The following CSMD1 variants were observed in gnomAD, a reference collection of about 807,000 sequenced individuals.
The protein encoded by CSMD1 is CUB and Sushi multiple domains 1.
Under a neutral mutation model 417.5 loss-of-function variants are expected in CSMD1, and 213 were observed. The ratio of observed to expected loss-of-function variants is 0.51; its 90% CI spans 0.46 to 0.57. CSMD1 has a LOEUF of 0.57. Ranked by LOEUF, CSMD1 falls within the 20% of genes least tolerant of loss-of-function variation. The pLI is 0.00. For synonymous variants in CSMD1, 2,862 were observed against 1,736.8 expected (o/e 1.65, Z -16.11); for missense variants, 6,923 against 4,529.7 (o/e 1.53, Z -15.17).
intron 7 of CSMD1, among the ~76,000 whole-genome samples, chr8:3,681,034 T>C (rs371345661): frequency 2.6e-5 from 4 of 152,348 alleles, no homozygotes; most frequent in East Asian, 1.9e-4. Context: ...TGATGGGACG[T>C]ATCTCAAACT....
At chr8:3,937,744 T>A (rs1054561725) in intron 5 of CSMD1, among the ~76,000 whole-genome samples, 1 of 152,126 alleles carries the variant, frequency 6.6e-6, no homozygotes, top group African/African-American at 2.4e-5. Context: ...AGGTACGATA[T>A]TACTGATTAA....
chr8:4,414,863 G>A (rs1796841301), intron 3 of CSMD1, among the ~76,000 whole-genome samples: 1 of 152,116 alleles, frequency 6.6e-6, no homozygotes, highest in Admixed American at 6.6e-5. Flanking sequence ...CCAGAGAGTA[G>A]GCATATGAGG....
At chr8:4,392,569 G>C (rs1016868121) in intron 3 of CSMD1, among the ~76,000 whole-genome samples, 5 of 151,844 alleles carry the variant, frequency 3.3e-5, no homozygotes, top group African/African-American at 1.2e-4. Context: ...ATAAAAACTT[G>C]TGTAAATGGC....
At position 3,162,234 on chromosome 8, in the gene CSMD1, G is replaced by C. The variant is rs773439188; in HGVS notation, c.5769C>G (p.Asn1923Lys). The change falls in exon 38 of 70, where the codon AAC (asparagine) becomes AAG (lysine). Residue 1923 changes from asparagine (N) to lysine (K), a missense_variant. By Grantham distance (94) the Asn-to-Lys change is moderately conservative. Coordinates refer to ENST00000635120, the MANE Select transcript of CSMD1 (RefSeq NM_033225.6). ...TGTACCGATCTCCGATTTTGATGCT[G>C]TTGCTGGGGAGGGCTGGTTCTTGGC... is the stretch of plus-strand genomic sequence containing the variant. ...AACQEPALPS[N>K]SIKIGDRYMV... The C allele has an allele frequency of 6.2e-7, 1 of 1,611,466 alleles. No homozygotes were observed. The highest frequency in any genetic ancestry group is 8.5e-7 in the Non-Finnish European group (1 of 1,178,862).
At chr8:3,661,732 A>G (rs145492191) in intron 7 of CSMD1, among the ~76,000 whole-genome samples, 3,003 of 152,148 alleles carry the variant, frequency 0.02, 106 homozygotes, top group African/African-American at 0.068. Flanking sequence ...CCTGACCTCA[A>G]GTGATTCACC....
At chr8:3,054,705 GTGTGTGTACA>G in intron 49 of CSMD1, among the ~76,000 whole-genome samples, 1 of 152,162 alleles carries the variant, frequency 6.6e-6, no homozygotes, top group African/African-American at 2.4e-5. Flanking sequence ...ACGTGTGTAC[GTGTGTGTACA>G]TGTGTGTAGT....
chr8:4,847,134 T>C (rs1210362497), intron 1 of CSMD1, among the ~76,000 whole-genome samples: 1 of 152,238 alleles, frequency 6.6e-6, no homozygotes, highest in Non-Finnish European at 1.5e-5. Context: ...TTACAGATAC[T>C]TCTTTGTTTC....
At chr8:3,241,377 G>A (rs1476641820) in intron 26 of CSMD1, among the ~76,000 whole-genome samples, 1 of 152,070 alleles carries the variant, frequency 6.6e-6, no homozygotes, top group Non-Finnish European at 1.5e-5. Context: ...CCTCCATATT[G>A]ATTAAGAAGG....
At chr8:3,040,774 G>T (rs1236463773) in intron 50 of CSMD1, among the ~76,000 whole-genome samples, 1 of 152,118 alleles carries the variant, frequency 6.6e-6, no homozygotes, top group Non-Finnish European at 1.5e-5. Context: ...CTGCACTCCA[G>T]CCTGGGTGGC....
chr8:3,237,667 T>G (rs936587087), intron 26 of CSMD1, among the ~76,000 whole-genome samples: 2 of 144,482 alleles, frequency 1.4e-5, no homozygotes, highest in Non-Finnish European at 3.0e-5. Context: ...ATACTATAAA[T>G]ATAATTTTTA....
At chr8:3,487,095 G>T (rs191461822) in intron 11 of CSMD1, among the ~76,000 whole-genome samples, 3 of 152,306 alleles carry the variant, frequency 2.0e-5, no homozygotes, top group Admixed American at 2.0e-4. Flanking sequence ...CATTACTACA[G>T]GAGAAGGCTA....
intron 10 of CSMD1, among the ~76,000 whole-genome samples, chr8:3,526,619 A>G (rs1797764636): frequency 6.6e-6 from 1 of 152,138 alleles, no homozygotes; most frequent in South Asian, 2.1e-4. Context: ...GTATTAGTAA[A>G]TAATTTTTCC....
At chr8:3,123,863 G>T (rs1349602538) in intron 41 of CSMD1, among the ~76,000 whole-genome samples, 1 of 152,228 alleles carries the variant, frequency 6.6e-6, no homozygotes, top group Non-Finnish European at 1.5e-5. Flanking sequence ...TTAATAGTAT[G>T]TAAGGCATTG....
intron 7 of CSMD1, among the ~76,000 whole-genome samples, chr8:3,680,592 G>A (rs370127351): frequency 3.4e-4 from 52 of 152,188 alleles, no homozygotes; most frequent in African/African-American, 8.7e-4. Context: ...ATTCACAGCC[G>A]ATTTCTATCA....
intron 5 of CSMD1, among the ~76,000 whole-genome samples, chr8:3,988,715 A>G (rs905585379): frequency 6.6e-6 from 1 of 152,244 alleles, no homozygotes. Flanking sequence ...CCAGGATAGC[A>G]TTTTGATTTT....
At chr8:3,646,621 G>A (rs929138634) in intron 7 of CSMD1, among the ~76,000 whole-genome samples, 1 of 152,174 alleles carries the variant, frequency 6.6e-6, no homozygotes, top group African/African-American at 2.4e-5. Context: ...CACTAAAAAT[G>A]AGTAACTTTC....
intron 12 of CSMD1, among the ~76,000 whole-genome samples, chr8:3,437,982 C>T (rs1054124798): frequency 6.6e-6 from 1 of 151,974 alleles, no homozygotes; most frequent in Admixed American, 6.6e-5. Flanking sequence ...CTCAGATGAT[C>T]CGCTCACCTC....
intron 3 of CSMD1, among the ~76,000 whole-genome samples, chr8:4,292,339 G>A (rs1447561681): frequency 5.9e-5 from 9 of 152,052 alleles, no homozygotes; most frequent in South Asian, 2.1e-4. Context: ...TGCAACCTCT[G>A]CCTCCGGGGT....
intron 1 of CSMD1, among the ~76,000 whole-genome samples, chr8:4,835,632 G>C (rs950650630): frequency 2.6e-5 from 4 of 152,138 alleles, no homozygotes; most frequent in African/African-American, 4.8e-5. Flanking sequence ...AATTGCTCAG[G>C]TGATGAAATG....
Sources: gnomAD v4.1 joint callset for allele counts (sites outside exome capture counted in the v4.1 genomes callset) on GRCh38, gnomAD v4.1.1 for gene constraint, MANE v1.5 for transcripts, NCBI Gene and HGNC (gene_info 2026-07-23, HGNC 2026-07-21) for gene names.